Variants in ZMAT4 observed in about 807,000 individuals in gnomAD.
ZMAT4 encodes zinc finger matrin-type protein 4.
In ZMAT4, 17 loss-of-function variants were observed where a neutral mutation model predicts 28.7. The observed-to-expected ratio is 0.59, with a 90% confidence interval of 0.41 to 0.89. The LOEUF is 0.89. Among genes scored for constraint, ZMAT4 ranks in the 40% least tolerant of loss-of-function variants. The pLI, the probability that ZMAT4 is intolerant of heterozygous loss-of-function variation, is 0.00. For synonymous variants in ZMAT4, 117 were observed against 109.2 expected, an observed-to-expected ratio of 1.07 and a Z score of -0.44; for missense variants, 240 against 283.8, an observed-to-expected ratio of 0.85 and a Z score of 1.11.
chr8:40,762,127 T>C (rs1225010780), intron 3 of ZMAT4, among the ~76,000 whole-genome samples: 1 of 152,100 alleles, frequency 6.6e-6, no homozygotes, highest in Non-Finnish European at 1.5e-5. Context: ...ACAAAGTAAA[T>C]GTCAACGTTA....
intron 5 of ZMAT4, among the ~76,000 whole-genome samples, chr8:40,653,356 AAAATACTC>A (rs1179663420): frequency 2.0e-5 from 3 of 152,086 alleles, no homozygotes; most frequent in Non-Finnish European, 2.9e-5. Flanking sequence ...GAAATAGAGC[AAAATACTC>A]AATGAAAAAA....
In ZMAT4 at chr8:40,868,480, CA is replaced by C. The variant is rs1406072788; in HGVS notation, c.-5+29202del. On this transcript the variant is annotated intron_variant, in intron 1 of 6. Transcript: ENST00000297737. ...CTGAGGGCTTATCCCAGCAGTTTCT[CA>C]GGATACAACATCTCACTACCCTAGG... 3.3e-5 allele frequency among the ~76,000 whole-genome samples: 5 copies of C among 152,278 alleles called. No individual in the cohort carries two copies. In the East Asian group the frequency reaches 9.6e-4, roughly 29 times the overall value.
chr8:40,612,721 C>T (rs541025755), intron 5 of ZMAT4, among the ~76,000 whole-genome samples: 1 of 136,992 alleles, frequency 7.3e-6, no homozygotes, highest in African/African-American at 2.5e-5. Context: ...ACTCAATCCC[C>T]TCCCCTACCT....
At chr8:40,715,151 A>G (rs1810794885) in intron 3 of ZMAT4, among the ~76,000 whole-genome samples, 2 of 151,800 alleles carry the variant, frequency 1.3e-5, no homozygotes, top group East Asian at 1.9e-4. Flanking sequence ...GGAACTGGGG[A>G]ACAGCATTCG....
At chr8:40,814,001 C>T (rs964496601) in intron 2 of ZMAT4, among the ~76,000 whole-genome samples, 4 of 152,088 alleles carry the variant, frequency 2.6e-5, no homozygotes, top group Non-Finnish European at 4.4e-5. Flanking sequence ...GGTCGGGGAG[C>T]AGGGGGCTGG....
intron 3 of ZMAT4, among the ~76,000 whole-genome samples, chr8:40,733,201 G>T (rs553886389): frequency 6.6e-6 from 1 of 151,972 alleles, no homozygotes; most frequent in South Asian, 2.1e-4. Flanking sequence ...TTTTTTAAGA[G>T]CCCTGAATTC....
chr8:40,708,063 T>C (rs957874000), intron 3 of ZMAT4, among the ~76,000 whole-genome samples: 1 of 152,192 alleles, frequency 6.6e-6, no homozygotes, highest in Non-Finnish European at 1.5e-5. Context: ...ATTACAAAAC[T>C]AGGTGACATG....
intron 5 of ZMAT4, among the ~76,000 whole-genome samples, chr8:40,659,271 G>A (rs1808076745): frequency 6.6e-6 from 1 of 152,116 alleles, no homozygotes. Context: ...AACGAGATGA[G>A]GGCAGGAGTC....
In ZMAT4 at chr8:40,717,515, G is replaced by T. The variant is rs536038074; in HGVS notation, c.193-20114C>A. Among the ~76,000 whole-genome samples the T allele has an allele frequency of 4.6e-5, 7 of 152,056 alleles. No individual in the cohort carries two copies. The East Asian group carries it at 1.4e-3, about 29-fold the overall frequency. On this transcript the variant is annotated intron_variant, in intron 3 of 6. Coordinates refer to ENST00000297737, the MANE Select transcript of ZMAT4 (RefSeq NM_024645.3). ...ACAAAATAAGAATAAAAAATAACTAGCCAGGTGTGGTGGTGCATGCCTCTA... is the reference window on the plus strand; with the variant it reads ...ACAAAATAAGAATAAAAAATAACTATCCAGGTGTGGTGGTGCATGCCTCTA...
chr8:40,667,488 G>A (rs1002307467), intron 5 of ZMAT4, among the ~76,000 whole-genome samples: 1 of 152,104 alleles, frequency 6.6e-6, no homozygotes, highest in Non-Finnish European at 1.5e-5. Flanking sequence ...ATCTCCTGTT[G>A]CAATGAGCGC....
intron 1 of ZMAT4, among the ~76,000 whole-genome samples, chr8:40,847,230 A>C (rs1177544369): frequency 6.7e-6 from 1 of 149,830 alleles, no homozygotes; most frequent in Non-Finnish European, 1.5e-5. Flanking sequence ...AAAAAAAAAA[A>C]CTGGGGGAAA....
chr8:40,538,298 A>T (rs754335859), intron 6 of ZMAT4, among the ~76,000 whole-genome samples: 1 of 152,210 alleles, frequency 6.6e-6, no homozygotes, highest in African/African-American at 2.4e-5. Context: ...CCAATTGTCA[A>T]CCAAAAAATG....
chr8:40,629,073 C>T (rs1483522955), intron 5 of ZMAT4, among the ~76,000 whole-genome samples: 6 of 149,206 alleles, frequency 4.0e-5, no homozygotes, highest in Non-Finnish European at 5.9e-5. Context: ...CTTTTTGGGA[C>T]TCCTAATAGT....
intron 3 of ZMAT4, among the ~76,000 whole-genome samples, chr8:40,736,743 C>T (rs528130442): frequency 6.6e-6 from 1 of 152,276 alleles, no homozygotes; most frequent in South Asian, 2.1e-4. Context: ...GAGAACAGTC[C>T]TCTGGCAGTC....
At chr8:40,863,110 G>C (rs1214880746) in intron 1 of ZMAT4, among the ~76,000 whole-genome samples, 1 of 152,120 alleles carries the variant, frequency 6.6e-6, no homozygotes, top group South Asian at 2.1e-4. Flanking sequence ...TGGCAAGACC[G>C]GAGGCTGGAA....
chr8:40,848,372 T>C (rs1816983195), intron 1 of ZMAT4, among the ~76,000 whole-genome samples: 1 of 152,184 alleles, frequency 6.6e-6, no homozygotes, highest in African/African-American at 2.4e-5. Context: ...AGGAACACAA[T>C]AAAATGTTTG....
intron 6 of ZMAT4, among the ~76,000 whole-genome samples, chr8:40,553,111 C>T (rs935573523): frequency 6.6e-6 from 1 of 152,108 alleles, no homozygotes; most frequent in Non-Finnish European, 1.5e-5. Context: ...TATTCTTTCT[C>T]TTGGACTGGC....
At chr8:40,850,515 C>T (rs531894926) in intron 1 of ZMAT4, among the ~76,000 whole-genome samples, 2 of 152,300 alleles carry the variant, frequency 1.3e-5, no homozygotes, top group South Asian at 2.1e-4. Flanking sequence ...CTTCCGCCCC[C>T]CAAAATGTAA....
intron 1 of ZMAT4, among the ~76,000 whole-genome samples, chr8:40,841,597 G>A (rs80331645): frequency 1.6e-4 from 24 of 152,194 alleles, no homozygotes; most frequent in South Asian, 8.3e-4. Flanking sequence ...GACAGGTGTC[G>A]TACACCCCTG....
Sources: gnomAD v4.1 joint callset for allele counts (sites outside exome capture counted in the v4.1 genomes callset) on GRCh38, gnomAD v4.1.1 for gene constraint, MANE v1.5 for transcripts, NCBI Gene and HGNC (gene_info 2026-07-23, HGNC 2026-07-21) for gene names.